ASCC3: variants seen among roughly 807,000 people sequenced by gnomAD.
ASCC3 encodes the protein ASC-1 complex subunit P200.
ASCC3 carries 158 observed loss-of-function variants against 256.3 expected under a neutral mutation model. The observed-to-expected ratio is 0.62, with a 90% CI of 0.54 to 0.70. The LOEUF is 0.70. Ranked by LOEUF, ASCC3 falls within the 30% of genes least tolerant of loss-of-function variation. The probability of loss-of-function intolerance (pLI) is 0.00; values close to 1 mark genes in which losing one functional copy is unlikely to be tolerated. For synonymous variants in ASCC3, 948 were observed against 883.4 expected (o/e 1.07, Z -1.30); for missense variants, 2,259 against 2,626.0 (o/e 0.86, Z 3.05).
chr6:100,848,470 C>G lies in ASCC3; in HGVS notation c.479G>C (p.Arg160Thr). The change falls in exon 4 of 42, where the codon AGG becomes ACG. Residue 160 changes from arginine to threonine, a missense_variant. This residue lies in a region of ASCC3 where 420 missense variants were observed against 419.3 expected (regional missense o/e 1.00). Transcript: ENST00000369162. ...VQMTEKEHGD[R>T]VFFGKNLAFS... ...TGCTAAATTTTTACCAAAAAAAACC[C>G]TATCGCCATGTTCTTTTTCTGTCAT... 6.2e-7 allele frequency: 1 copy of G among 1,612,746 alleles called. No individual in the cohort carries two copies. The highest frequency in any genetic ancestry group is 8.5e-7 in the Non-Finnish European group (1 of 1,179,238).
At chr6:100,853,459 T>C (rs1263723887) in intron 3 of ASCC3, among the ~76,000 whole-genome samples, 2 of 144,940 alleles carry the variant, frequency 1.4e-5, no homozygotes, top group Non-Finnish European at 3.0e-5. Context: ...TCTTGCTCTG[T>C]CACCCAGGTT....
At chr6:100,531,519 T>A (rs768406052) in intron 37 of ASCC3, among the ~76,000 whole-genome samples, 2 of 151,864 alleles carry the variant, frequency 1.3e-5, no homozygotes, top group Non-Finnish European at 2.9e-5. Flanking sequence ...CCAATAAGGG[T>A]GATATATTTA....
chr6:100,726,745 TAA>T (rs1290429406), intron 10 of ASCC3, among the ~76,000 whole-genome samples: 1 of 152,020 alleles, frequency 6.6e-6, no homozygotes, highest in Non-Finnish European at 1.5e-5. Context: ...GGCTAGAAAA[TAA>T]AGTGTCACAT....
chr6:100,830,539 T>C (rs1260463258), intron 4 of ASCC3, among the ~76,000 whole-genome samples: 1 of 152,216 alleles, frequency 6.6e-6, no homozygotes, highest in Non-Finnish European at 1.5e-5. Flanking sequence ...GTACCACCTG[T>C]ACCTCTTTGT....
intron 37 of ASCC3, among the ~76,000 whole-genome samples, chr6:100,519,994 G>A (rs1774220983): frequency 2.6e-5 from 4 of 152,112 alleles, no homozygotes; most frequent in Admixed American, 2.6e-4. Flanking sequence ...ATGGTAAAAG[G>A]TTTTGTGGCT....
At chr6:100,624,119 T>TA (rs879365629) in intron 30 of ASCC3, among the ~76,000 whole-genome samples, 12 of 146,732 alleles carry the variant, frequency 8.2e-5, no homozygotes, top group Admixed American at 2.0e-4. Flanking sequence ...AGTATAATAA[T>TA]AAAAAAAAAG....
intron 36 of ASCC3, among the ~76,000 whole-genome samples, chr6:100,552,536 C>T (rs1769350637): frequency 6.6e-6 from 1 of 151,958 alleles, no homozygotes; most frequent in Non-Finnish European, 1.5e-5. Flanking sequence ...TCTTGAACTG[C>T]AGATTTGATA....
chr6:100,767,196 A>G lies in ASCC3; in HGVS notation c.1545T>C (p.His515=), dbSNP rs1260861053. ...CTTGTTGAAAATGTTGGCGAATTTCATGCAAGACTGTCAGCATTGCAATGT... is the reference window on the plus strand; with the variant it reads ...CTTGTTGAAAATGTTGGCGAATTTCGTGCAAGACTGTCAGCATTGCAATGT... ...KTNIAMLTVL[H]EIRQHFQQGV... The change falls in exon 9 of 42, where the codon CAT becomes CAC. Residue 515 remains histidine, a synonymous_variant. Coordinates refer to ENST00000369162, the MANE Select transcript of ASCC3 (RefSeq NM_006828.4). 1 of 1,614,148 alleles carries G rather than the reference A, an allele frequency of 6.2e-7. No homozygotes were observed. The highest frequency in any genetic ancestry group is 1.7e-5 in the Admixed American group (1 of 60,016).
chr6:100,616,137 G>A (rs1033184449), intron 30 of ASCC3, among the ~76,000 whole-genome samples: 1 of 152,136 alleles, frequency 6.6e-6, no homozygotes. Context: ...GAATGAACAG[G>A]CAAATTAATC....
At chr6:100,686,891 T>C (rs965654151) in intron 13 of ASCC3, among the ~76,000 whole-genome samples, 9 of 152,166 alleles carry the variant, frequency 5.9e-5, no homozygotes, top group African/African-American at 1.2e-4. Context: ...ATATGAAAGA[T>C]AGTACACTTT....
At chr6:100,659,789 T>C (rs1296521522) in intron 16 of ASCC3, among the ~76,000 whole-genome samples, 1 of 151,682 alleles carries the variant, frequency 6.6e-6, no homozygotes, top group African/African-American at 2.4e-5. Context: ...TACTGAGATA[T>C]AGTTTTCCTT....
chr6:100,638,409 C>T (rs1774949342), intron 25 of ASCC3, among the ~76,000 whole-genome samples, 192 bp downstream of exon 25: 1 of 152,160 alleles, frequency 6.6e-6, no homozygotes, highest in Non-Finnish European at 1.5e-5. Flanking sequence ...GTGACATTCA[C>T]TATATTGTGG....
intron 34 of ASCC3, among the ~76,000 whole-genome samples, chr6:100,601,558 C>A (rs755536577): frequency 1.7e-4 from 26 of 151,976 alleles, no homozygotes; most frequent in Non-Finnish European, 3.5e-4. Context: ...TATCTCATGT[C>A]TCAATTACAG....
At chr6:100,662,074 A>G (rs1012840987) in intron 15 of ASCC3, 44 bp from the exon 16 acceptor site, 6 of 1,545,492 alleles carry the variant, frequency 3.9e-6, no homozygotes, top group African/African-American at 1.4e-5. Context: ...AACACACACA[A>G]ATATAATCCT....
intron 10 of ASCC3, among the ~76,000 whole-genome samples, chr6:100,755,089 A>G (rs1402288674): frequency 2.0e-5 from 3 of 151,920 alleles, no homozygotes; most frequent in Admixed American, 2.0e-4. Context: ...CAAATAAGTG[A>G]GAACATGTGA....
In ASCC3 at chr6:100,848,158, A is replaced by T; in HGVS notation, c.791T>A (p.Leu264His). 1 of 1,590,928 alleles carries T rather than the reference A, an allele frequency of 6.3e-7. No homozygotes were observed. The change falls in exon 4 of 42, where the codon CTT becomes CAT. Residue 264 changes from leucine to histidine, a missense_variant. Transcript: ENST00000369162. ...MLASIKSGDE[L>H]QDELFELLGP... The stretch of plus-strand genomic sequence containing the variant: ...TCATTTCAACTATACCTCATCCTGA[A>T]GTTCATCACCACTTTTAATAGAAGC...
At position 100,718,077 on chromosome 6, in the gene ASCC3, T is replaced by A. The variant is rs1383517851; in HGVS notation, c.2077A>T (p.Lys693Ter). ...QTFLGIKCAN[K>*]MQQLNNMDEV... Reference sequence around the variant, plus strand: ...TAAGAATTAAAATGAGTATTTACCTTATTTGCACATTTAATCCCCAAAAAT... The same window carrying A: ...TAAGAATTAAAATGAGTATTTACCTAATTTGCACATTTAATCCCCAAAAAT... The change falls in exon 12 of 42, where the codon AAG becomes TAG. Residue 693 changes from lysine (K) to a stop codon, truncating the protein, a stop_gained and splice_region_variant. Coordinates refer to ENST00000369162, the MANE Select transcript of ASCC3 (RefSeq NM_006828.4). LOFTEE classifies it high-confidence loss of function. 1.9e-6 allele frequency: 3 copies of A among 1,612,838 alleles called. No individual in the cohort carries two copies. The highest frequency in any genetic ancestry group is 2.5e-6 in the Non-Finnish European group (3 of 1,179,302).
At chr6:100,759,821 T>C (rs1008659163) in intron 10 of ASCC3, among the ~76,000 whole-genome samples, 1 of 152,210 alleles carries the variant, frequency 6.6e-6, no homozygotes, top group Non-Finnish European at 1.5e-5. Context: ...TTGTGTCCTC[T>C]CTTATTTCCT....
At position 100,848,521 on chromosome 6, in the gene ASCC3, T is replaced by C. The variant is rs991189046; in HGVS notation, c.428A>G (p.Gln143Arg). The C allele has an allele frequency of 2.4e-5, 38 of 1,613,998 alleles. No individual in the cohort carries two copies. Among genetic ancestry groups the C allele is most frequent in the Admixed American group, 3.3e-5 (2 of 59,994 alleles). ...ATNRIISHFSQDDLTALVQMT... is the reference protein window; with the variant it reads ...ATNRIISHFSRDDLTALVQMT... The stretch of plus-strand genomic sequence containing the variant: ...CTGCACAAGAGCAGTAAGATCATCT[T>C]GACTAAAATGAGAAATAATTCGATT... Residue 143 changes from glutamine (Q) to arginine (R), a missense_variant, in exon 4 of 42, where the codon CAA (glutamine) becomes CGA (arginine). By Grantham distance (43) the Gln-to-Arg change is conservative. Coordinates refer to ENST00000369162, the MANE Select transcript of ASCC3 (RefSeq NM_006828.4).
Sources: allele counts gnomAD v4.1 joint callset (sites outside exome capture counted in the v4.1 genomes callset), GRCh38; gene constraint gnomAD v4.1.1; regional missense constraint gnomAD v4.1.1; transcripts MANE v1.5; gene names NCBI Gene and HGNC (gene_info 2026-07-23, HGNC 2026-07-21).